Variants in PRKN observed in about 807,000 individuals in gnomAD.
PRKN encodes parkin RBR E3 ubiquitin protein ligase, also known as E3 ubiquitin-protein ligase parkin.
PRKN carries 56 observed loss-of-function variants against 59.5 expected under a neutral mutation model. The ratio of observed to expected loss-of-function variants is 0.94; its 90% CI spans 0.76 to 1.18. PRKN has a LOEUF of 1.18. Ranked by LOEUF, PRKN falls within the 50% of genes most tolerant of loss-of-function variation. The pLI is 0.00. For synonymous variants in PRKN, 250 were observed against 222.1 expected, an observed-to-expected ratio of 1.13 and a Z score of -1.12; for missense variants, 657 against 596.4, an observed-to-expected ratio of 1.10 and a Z score of -1.06.
chr6:162,350,751 T>A (rs1185316423), intron 2 of PRKN, among the ~76,000 whole-genome samples: 1 of 152,138 alleles, frequency 6.6e-6, no homozygotes, highest in Non-Finnish European at 1.5e-5. Context: ...CTTTATGACC[T>A]TGGGTTAAGA....
intron 3 of PRKN, among the ~76,000 whole-genome samples, chr6:162,243,554 C>T (rs12214788): frequency 0.054 from 8,170 of 152,040 alleles, 316 homozygotes; most frequent in Non-Finnish European, 0.078. Context: ...ACATTTAATA[C>T]GAGTTTAATA....
chr6:162,216,623 T>C (rs767363756), intron 3 of PRKN, among the ~76,000 whole-genome samples: 1 of 143,884 alleles, frequency 7.0e-6, no homozygotes, highest in African/African-American at 2.5e-5. Context: ...GTCCAAACCA[T>C]CTGGCGGCAG....
intron 1 of PRKN, among the ~76,000 whole-genome samples, chr6:162,498,314 C>G (rs1373908648): frequency 6.7e-6 from 1 of 149,566 alleles, no homozygotes; most frequent in Non-Finnish European, 1.5e-5. Context: ...CTTCCTGACA[C>G]AGGCAACACT....
chr6:162,223,741 A>C (rs988619777), intron 3 of PRKN, among the ~76,000 whole-genome samples: 2 of 151,324 alleles, frequency 1.3e-5, no homozygotes, highest in Admixed American at 6.6e-5. Flanking sequence ...TCTCTTTCTT[A>C]TGTCCTGGTT....
chr6:161,958,181 C>T (rs1423565954), intron 6 of PRKN, among the ~76,000 whole-genome samples: 1 of 152,106 alleles, frequency 6.6e-6, no homozygotes, highest in East Asian at 1.9e-4. Context: ...AAGACGCTTG[C>T]ATTTATTTTA....
intron 3 of PRKN, among the ~76,000 whole-genome samples, chr6:162,257,875 T>C (rs774232781): frequency 1.3e-4 from 20 of 152,124 alleles, no homozygotes; most frequent in Non-Finnish European, 2.4e-4. Flanking sequence ...TGTCACTCCA[T>C]TGTTCAAAAG....
At chr6:161,398,979 C>T (rs1007493189) in intron 9 of PRKN, among the ~76,000 whole-genome samples, 1 of 152,192 alleles carries the variant, frequency 6.6e-6, no homozygotes, top group Non-Finnish European at 1.5e-5. Flanking sequence ...CAAATGTTGC[C>T]TTTTGGCCTG....
At position 162,350,653 on chromosome 6, in the gene PRKN, A is replaced by T. The variant is rs1784585319; in HGVS notation, c.172-87888T>A. Among the ~76,000 whole-genome samples the T allele has an allele frequency of 2.0e-5, 3 of 152,172 alleles. No individual in the cohort carries two copies. The South Asian group carries it at 6.2e-4, about 32-fold the overall frequency. The stretch of plus-strand genomic sequence containing the variant: ...AAATGAACTTTGATTTCTGCTTTAC[A>T]TCATATACAAAATTAACACACAATT... On this transcript the variant is annotated intron_variant, in intron 2 of 11. Transcript: ENST00000366898.
At chr6:162,629,699 C>T (rs1783030365) in intron 1 of PRKN, among the ~76,000 whole-genome samples, 1 of 152,032 alleles carries the variant, frequency 6.6e-6, no homozygotes, top group African/African-American at 2.4e-5. Flanking sequence ...ATAACAGTTT[C>T]TGATATAGAA....
chr6:162,072,678 T>C (rs1332656944), intron 4 of PRKN, among the ~76,000 whole-genome samples: 1 of 152,198 alleles, frequency 6.6e-6, no homozygotes, highest in Non-Finnish European at 1.5e-5. Flanking sequence ...GATGTCAAGA[T>C]GATAAACAGT....
At chr6:162,011,085 ATT>A (rs1782624304) in intron 5 of PRKN, among the ~76,000 whole-genome samples, 1 of 11,962 alleles carries the variant, frequency 8.4e-5, no homozygotes, top group African/African-American at 6.6e-4. Flanking sequence ...TATAATATAT[ATT>A]ATAATATATA....
At chr6:162,131,144 C>G (rs1436069070) in intron 4 of PRKN, among the ~76,000 whole-genome samples, 1 of 152,110 alleles carries the variant, frequency 6.6e-6, no homozygotes, top group African/African-American at 2.4e-5. Flanking sequence ...TGGTCATGAA[C>G]TACTTGCAGA....
intron 7 of PRKN, among the ~76,000 whole-genome samples, chr6:161,669,191 A>G (rs1784824660): frequency 6.6e-6 from 1 of 152,218 alleles, no homozygotes; most frequent in African/African-American, 2.4e-5. Context: ...CAAATCTGCC[A>G]GCGTCTTGAT....
At chr6:162,727,330 G>T (rs1348704287) in intron 1 of PRKN, 2 of 378,912 alleles carry the variant, frequency 5.3e-6, no homozygotes, top group Non-Finnish European at 9.5e-6. Flanking sequence ...AGGGGCGGCG[G>T]CGGGGAGAAG....
chr6:161,680,771 A>ATT (rs1174510072), intron 7 of PRKN, among the ~76,000 whole-genome samples: 68 of 18,020 alleles, frequency 3.8e-3, no homozygotes, highest in Non-Finnish European at 6.5e-3. Flanking sequence ...ATATATATAT[A>ATT]TATATTTTTT....
chr6:162,586,522 T>C (rs1781067412), intron 1 of PRKN, among the ~76,000 whole-genome samples: 1 of 152,296 alleles, frequency 6.6e-6, no homozygotes, highest in African/African-American at 2.4e-5. Flanking sequence ...GGTGAGTAAG[T>C]GTCCTGGGAA....
intron 1 of PRKN, among the ~76,000 whole-genome samples, chr6:162,591,950 T>C (rs919930220): frequency 6.6e-6 from 1 of 151,820 alleles, no homozygotes; most frequent in Non-Finnish European, 1.5e-5. Context: ...GCAGTTAGTA[T>C]ACAGCTTCAC....
At chr6:162,113,336 T>C (rs941226708) in intron 4 of PRKN, among the ~76,000 whole-genome samples, 1 of 152,226 alleles carries the variant, frequency 6.6e-6, no homozygotes, top group African/African-American at 2.4e-5. Flanking sequence ...GATTCATTCA[T>C]GGCAGATTTT....
chr6:161,977,322 G>T (rs1034650807), intron 5 of PRKN, among the ~76,000 whole-genome samples: 1 of 152,228 alleles, frequency 6.6e-6, no homozygotes, highest in East Asian at 1.9e-4. Context: ...GTCTCTCTCA[G>T]GGTTGAAGTA....
Sources: gnomAD v4.1 joint callset for allele counts (sites outside exome capture counted in the v4.1 genomes callset) on GRCh38, gnomAD v4.1.1 for gene constraint, MANE v1.5 for transcripts, NCBI Gene and HGNC (gene_info 2026-07-23, HGNC 2026-07-21) for gene names.